TMEM61: variants seen among roughly 807,000 people sequenced by gnomAD.
TMEM61 encodes the protein transmembrane protein 61.
Under a neutral mutation model 12.0 loss-of-function variants are expected in TMEM61, and 13 were observed. The ratio of observed to expected loss-of-function variants is 1.08; its 90% CI spans 0.70 to 1.72. The LOEUF (loss-of-function observed/expected upper bound fraction) is 1.72. Among genes scored for constraint, TMEM61 ranks in the 40% most tolerant of loss-of-function variants. The pLI, the probability that TMEM61 is intolerant of heterozygous loss-of-function variation, is 0.00. For synonymous variants in TMEM61, 109 were observed against 121.4 expected, an observed-to-expected ratio of 0.90 and a Z score of 0.67; for missense variants, 249 against 276.9, an observed-to-expected ratio of 0.90 and a Z score of 0.71.
intron 1 of TMEM61, 63 bp downstream of exon 1, chr1:54,981,143 C>T: frequency 6.5e-7 from 1 of 1,533,766 alleles, no homozygotes; most frequent in Non-Finnish European, 8.8e-7. Context: ...GTCGACCTTG[C>T]CCCGACCCCT....
chr1:54,990,391 G>C (rs1644287675), intron 2 of TMEM61, among the ~76,000 whole-genome samples: 1 of 152,150 alleles, frequency 6.6e-6, no homozygotes, highest in African/African-American at 2.4e-5. Context: ...CTGTGAGGCT[G>C]CAGTGGGCCG....
At position 54,986,265 on chromosome 1, in the gene TMEM61, C is replaced by A; in HGVS notation, c.184C>A (p.Pro62Thr). 1 of 1,613,916 alleles carries A rather than the reference C, an allele frequency of 6.2e-7. No homozygotes were observed. The highest frequency in any genetic ancestry group is 8.5e-7 in the Non-Finnish European group (1 of 1,180,014). ...CACGGAGTATCCGGTGCCTGAGGGCCCCAGCCCCCTGCTCAGGTCCGTCAG... is the reference window on the plus strand; with the variant it reads ...CACGGAGTATCCGGTGCCTGAGGGCACCAGCCCCCTGCTCAGGTCCGTCAG... ...PPTEYPVPEG[P>T]SPLLRSVSFV... The change falls in exon 2 of 3, where the codon CCC becomes ACC. Residue 62 changes from proline to threonine, a missense_variant. Physicochemically the swap from Pro to Thr is conservative, Grantham distance 38. Transcript: ENST00000371268.
intron 2 of TMEM61, among the ~76,000 whole-genome samples, chr1:54,991,282 G>A (rs1280458877): frequency 6.6e-6 from 1 of 152,212 alleles, no homozygotes; most frequent in Non-Finnish European, 1.5e-5. Context: ...AGATAGAAGT[G>A]GTTGATCTGG....
At chr1:54,984,216 G>T (rs192224287) in intron 1 of TMEM61, among the ~76,000 whole-genome samples, 2 of 152,274 alleles carry the variant, frequency 1.3e-5, no homozygotes, top group East Asian at 1.9e-4. Context: ...TGGATATATT[G>T]TTGTTGGCTG....
intron 1 of TMEM61, among the ~76,000 whole-genome samples, chr1:54,981,699 TGTGCAGGAGTGG>T (rs1644223787): frequency 1.3e-5 from 2 of 152,172 alleles, no homozygotes; most frequent in South Asian, 4.1e-4. Flanking sequence ...ATCCTGGCTT[TGTGCAGGAGTGG>T]GTGCAGGAGG....
At chr1:54,981,276 A>C (rs1213331575) in intron 1 of TMEM61, among the ~76,000 whole-genome samples, 196 bp downstream of exon 1, 3 of 152,184 alleles carry the variant, frequency 2.0e-5, no homozygotes, top group Non-Finnish European at 4.4e-5. Context: ...GAACAAGAAC[A>C]AATTCTTGTT....
rs1203921994 is a variant in TMEM61 at position 54,980,886 on chromosome 1, G to A, written c.-180G>A. On this transcript the variant is annotated 5_prime_UTR_variant, in exon 1 of 3. Transcript: ENST00000371268. ...CCCAGGAGCCAGACCTCGGTTTTGC[G>A]GGCTGGGGAGCAGGGCTCGGGGGCA... 8.8e-6 allele frequency: 5 copies of A among 566,184 alleles called. No individual in the cohort carries two copies. In the African/African-American group the frequency reaches 9.7e-5, roughly 11 times the overall value. The allele number at this position is 566,184 out of a possible 1,614,324, so 35.1% of individuals were successfully genotyped here. A position where few individuals can be genotyped will look rare whatever the true frequency, so the allele number is the denominator to read the frequency against.
intron 1 of TMEM61, among the ~76,000 whole-genome samples, 187 bp downstream of exon 1, chr1:54,981,267 A>G (rs979188520): frequency 1.3e-5 from 2 of 152,138 alleles, no homozygotes; most frequent in African/African-American, 4.8e-5. Flanking sequence ...TCAATTGGGG[A>G]ACAAGAACAA....
chr1:54,987,582 G>A (rs1462254358), intron 2 of TMEM61, among the ~76,000 whole-genome samples: 1 of 152,170 alleles, frequency 6.6e-6, no homozygotes, highest in Non-Finnish European at 1.5e-5. Flanking sequence ...CATGTATTAT[G>A]CATGCCCTTT....
In TMEM61 at chr1:54,980,854, G is replaced by A. The variant is rs1570254512; in HGVS notation, c.-212G>A. The stretch of plus-strand genomic sequence containing the variant: ...GGAGAGGGCGCGGCTGGTGAGCCCT[G>A]GGAGGGCCCAGGAGCCAGACCTCGG... On this transcript the variant is annotated 5_prime_UTR_variant, in exon 1 of 3. Coordinates refer to ENST00000371268, the MANE Select transcript of TMEM61 (RefSeq NM_182532.3). The A allele has an allele frequency of 2.2e-6, 1 of 447,212 alleles. No individual in the cohort carries two copies. The highest frequency in any genetic ancestry group is 3.8e-6 in the Non-Finnish European group (1 of 260,286). The allele number at this position is 447,212 out of a possible 1,614,324, so 27.7% of individuals were successfully genotyped here.
intron 2 of TMEM61, among the ~76,000 whole-genome samples, chr1:54,987,332 G>A (rs1644267523): frequency 6.6e-6 from 1 of 152,156 alleles, no homozygotes; most frequent in South Asian, 2.1e-4. Context: ...AAAGGTATGG[G>A]GTTGGGGACA....
intron 1 of TMEM61, among the ~76,000 whole-genome samples, chr1:54,984,140 C>T (rs560265402): frequency 2.0e-5 from 3 of 152,308 alleles, no homozygotes; most frequent in Admixed American, 2.0e-4. Flanking sequence ...GCATCTTGAA[C>T]ATTTGCCATG....
intron 1 of TMEM61, among the ~76,000 whole-genome samples, chr1:54,985,212 CGT>C (rs1249969795): frequency 1.6e-5 from 1 of 62,072 alleles, no homozygotes; most frequent in Non-Finnish European, 3.8e-5. Context: ...CCACGGTGAA[CGT>C]GTGTATGTGT....
chr1:54,986,555 C>G (rs1256972577), intron 2 of TMEM61, 109 bp downstream of exon 2: 13 of 1,013,804 alleles, frequency 1.3e-5, no homozygotes, highest in Admixed American at 7.4e-5. Flanking sequence ...GGGGTTCCTC[C>G]TTTGGATCAG....
At position 54,991,993 on chromosome 1, in the gene TMEM61, C is replaced by G. The variant is rs1438260935; in HGVS notation, c.523C>G (p.Pro175Ala). Residue 175 changes from proline to alanine, a missense_variant, in exon 3 of 3, where the codon CCC becomes GCC. Pro to Ala is a conservative substitution (Grantham distance 27, BLOSUM62 -1). Coordinates refer to ENST00000371268, the MANE Select transcript of TMEM61 (RefSeq NM_182532.3). ...LLSTQPAWPP[P>A]SYESISLALD... ...CAGCACCCAGCCCGCCTGGCCTCCA[C>G]CCAGCTATGAGAGCATCAGCCTTGC... 6.2e-7 allele frequency: 1 copy of G among 1,614,206 alleles called. No homozygotes were observed. The highest frequency in any genetic ancestry group is 1.1e-5 in the South Asian group (1 of 91,086).
At chr1:54,981,105 C>T in intron 1 of TMEM61, 25 bp downstream of exon 1, 1 of 1,581,654 alleles carries the variant, frequency 6.3e-7, no homozygotes, top group South Asian at 1.2e-5. Context: ...CCTTCTCCCT[C>T]CTTTACGGGC....
At chr1:54,984,899 A>T (rs1170945191) in intron 1 of TMEM61, among the ~76,000 whole-genome samples, 1 of 152,118 alleles carries the variant, frequency 6.6e-6, no homozygotes, top group Non-Finnish European at 1.5e-5. Context: ...GACAACTCAG[A>T]CCTAGGTTTC....
Position 54,986,267 on chromosome 1 carries a change from C to G in TMEM61, c.186C>G (p.Pro62=). Residue 62 remains proline, a synonymous_variant, in exon 2 of 3, where the codon CCC becomes CCG. Coordinates refer to ENST00000371268, the MANE Select transcript of TMEM61 (RefSeq NM_182532.3). The part of the protein sequence containing the change: ...PPTEYPVPEG[P]SPLLRSVSFV... The stretch of plus-strand genomic sequence containing the variant: ...CGGAGTATCCGGTGCCTGAGGGCCC[C>G]AGCCCCCTGCTCAGGTCCGTCAGCT... 6.2e-7 allele frequency: 1 copy of G among 1,613,896 alleles called. No individual in the cohort carries two copies. The highest frequency in any genetic ancestry group is 8.5e-7 in the Non-Finnish European group (1 of 1,180,020).
At chr1:54,983,762 GA>G (rs1008240356) in intron 1 of TMEM61, among the ~76,000 whole-genome samples, 2 of 152,030 alleles carry the variant, frequency 1.3e-5, no homozygotes, top group African/African-American at 4.8e-5. Flanking sequence ...TTTGTTTTTT[GA>G]ATTTTTTTTC....
Sources: gnomAD v4.1 joint callset for allele counts (sites outside exome capture counted in the v4.1 genomes callset) on GRCh38, gnomAD v4.1.1 for gene constraint, MANE v1.5 for transcripts, NCBI Gene and HGNC (gene_info 2026-07-23, HGNC 2026-07-21) for gene names.